MGST1: variants seen among roughly 807,000 people sequenced by gnomAD.
The protein encoded by MGST1 is microsomal glutathione S-transferase 1.
In MGST1, 5 loss-of-function variants were observed where a neutral mutation model predicts 8.9. The observed-to-expected ratio is 0.56, with a 90% CI of 0.29 to 1.19. MGST1 has a LOEUF of 1.19. Among genes scored for constraint, MGST1 ranks in the 50% most tolerant of loss-of-function variants. The pLI is 0.08. For synonymous variants in MGST1, 54 were observed against 67.8 expected (o/e 0.80, Z 1.00); for missense variants, 182 against 187.4 (o/e 0.97, Z 0.17).
intron 4 of MGST1, among the ~76,000 whole-genome samples, chr12:16,477,603 A>G (rs1358124104): frequency 6.6e-6 from 1 of 152,242 alleles, no homozygotes; most frequent in Non-Finnish European, 1.5e-5. Context: ...GAACAATGAT[A>G]TTTGTAGAAT....
intron 1 of MGST1, among the ~76,000 whole-genome samples, chr12:16,393,128 G>T (rs1940569006): frequency 6.6e-6 from 1 of 152,148 alleles, no homozygotes; most frequent in African/African-American, 2.4e-5. Context: ...AAATTGTTTA[G>T]AGACATATGA....
chr12:16,414,973 A>C (rs1940775265), intron 1 of MGST1, among the ~76,000 whole-genome samples: 1 of 152,038 alleles, frequency 6.6e-6, no homozygotes, highest in Non-Finnish European at 1.5e-5. Flanking sequence ...GCAGTGAGCC[A>C]AGATCGCACC....
At chr12:16,566,933 C>T (rs1591787412) in intron 4 of MGST1, among the ~76,000 whole-genome samples, 1 of 152,154 alleles carries the variant, frequency 6.6e-6, no homozygotes, top group African/African-American at 2.4e-5. Flanking sequence ...AAAGCCCATG[C>T]TACATAGTCA....
At chr12:16,399,885 G>A (rs1162841074) in intron 1 of MGST1, 2 of 1,255,374 alleles carry the variant, frequency 1.6e-6, no homozygotes, top group Admixed American at 1.7e-5. Context: ...AGGTGAAACT[G>A]GACCGCTCAA....
At chr12:16,466,963 G>A (rs901275176) in intron 4 of MGST1, among the ~76,000 whole-genome samples, 18 of 151,958 alleles carry the variant, frequency 1.2e-4, no homozygotes, top group Non-Finnish European at 2.2e-4. Flanking sequence ...GTCTGACCCC[G>A]AGACTTCATA....
rs141726185 is a variant in MGST1, at chr12:16,452,423, T to A, written n.482+68819T>A. On this transcript the variant is annotated intron_variant and non_coding_transcript_variant, in intron 4 of 4. Coordinates refer to the MGST1 transcript ENST00000538857. Reference sequence around the variant, plus strand: ...GCCAAAAAAAAAAAAATGGAAACTGTTTGGTTGTCATCATGATCACCCTAT... The same window carrying A: ...GCCAAAAAAAAAAAAATGGAAACTGATTGGTTGTCATCATGATCACCCTAT... Among the ~76,000 whole-genome samples the A allele has an allele frequency of 2.8e-4, 42 of 151,218 alleles. No individual in the cohort carries two copies. The Middle Eastern group carries it at 0.01, about 37-fold the overall frequency.
At chr12:16,542,419 C>G (rs970393605) in intron 4 of MGST1, among the ~76,000 whole-genome samples, 1 of 152,222 alleles carries the variant, frequency 6.6e-6, no homozygotes, top group African/African-American at 2.4e-5. Flanking sequence ...ACTGCACTTT[C>G]ACTTGAAATA....
chr12:16,366,628 TACACACACACACACACAC>T (rs374809283), downstream of MGST1, among the ~76,000 whole-genome samples: 3 of 83,926 alleles, frequency 3.6e-5, no homozygotes, highest in African/African-American at 1.4e-4. This position sits in a 1 kb window ranked among gnomAD's most constrained non-coding sequence, Gnocchi z 4.0. Flanking sequence ...TATCTGTGTG[TACACACACACACACACAC>T]ACACACACAC....
intron 1 of MGST1, among the ~76,000 whole-genome samples, chr12:16,402,593 T>G (rs552174917): frequency 2.8e-4 from 43 of 152,306 alleles, no homozygotes; most frequent in Non-Finnish European, 5.3e-4. Flanking sequence ...TTTTTTCTGT[T>G]TATTGTTGTG....
At chr12:16,435,945 A>G (rs1940981569) in intron 1 of MGST1, among the ~76,000 whole-genome samples, 1 of 151,634 alleles carries the variant, frequency 6.6e-6, no homozygotes, top group Admixed American at 6.6e-5. Context: ...GAAAATATAG[A>G]GTCTGTATGA....
chr12:16,357,471 G>A (rs1939771038), intron 2 of MGST1, 134 bp from the exon 3 acceptor site: 1 of 672,660 alleles, frequency 1.5e-6, no homozygotes, highest in Non-Finnish European at 2.5e-6. Context: ...TACTCCCTAT[G>A]TTGCCCAGGC....
Position 16,401,350 on chromosome 12 carries a change from T to G in MGST1, n.778+17746T>G. On this transcript the variant is annotated intron_variant and non_coding_transcript_variant, in intron 1 of 1. Transcript: ENST00000359720. This position sits in a 1 kb window ranked among gnomAD's most constrained non-coding sequence, Gnocchi z 4.3. ...TTTACTATTGATTACTAGGAAGCTT[T>G]CATGGAATTCAATTCCCACCCCAAA... 1 of 1,289,268 alleles carries G rather than the reference T, an allele frequency of 7.8e-7. No individual in the cohort carries two copies. Among genetic ancestry groups the G allele is most frequent in the Non-Finnish European group, 1.1e-6 (1 of 888,828 alleles). The allele number at this position is 1,289,268 out of a possible 1,614,324, so 79.9% of individuals were successfully genotyped here.
intron 4 of MGST1, chr12:16,514,251 C>T: frequency 7.1e-6 from 2 of 280,410 alleles, no homozygotes; most frequent in Non-Finnish European, 1.4e-5. Flanking sequence ...TGGCAGGCTT[C>T]ACCATGGTTT....
In MGST1 at chr12:16,503,331, A is replaced by G. The variant is rs572089307; in HGVS notation, n.483-86197A>G. The stretch of plus-strand genomic sequence containing the variant: ...TTTCCCTCATTCTTAGCTTGGCTTC[A>G]CTCATAAATGTTATTTTTTCCTTTC... On this transcript the variant is annotated intron_variant and non_coding_transcript_variant, in intron 4 of 4. Transcript: ENST00000538857. This position sits in a 1 kb window ranked among gnomAD's most constrained non-coding sequence, Gnocchi z 4.8. Among the ~76,000 whole-genome samples the G allele has an allele frequency of 1.3e-5, 2 of 152,150 alleles. No homozygotes were observed. Among genetic ancestry groups the G allele is most frequent in the East Asian group, 3.9e-4 (2 of 5,168 alleles).
chr12:16,545,298 G>A (rs867451231), intron 4 of MGST1, among the ~76,000 whole-genome samples: 3 of 151,928 alleles, frequency 2.0e-5, no homozygotes, highest in Admixed American at 6.6e-5. Context: ...TAATAAATTG[G>A]GCATTAAACA....
rs897806265 is a variant in MGST1, at chr12:16,537,476, T to C, written n.483-52052T>C. 1.4e-4 allele frequency among the ~76,000 whole-genome samples: 21 copies of C among 152,190 alleles called. No individual in the cohort carries two copies. The highest frequency in any genetic ancestry group is 4.3e-4 in the African/African-American group (18 of 41,452). On this transcript the variant is annotated intron_variant and non_coding_transcript_variant, in intron 4 of 4. Transcript: ENST00000538857. This position sits in a 1 kb window ranked among gnomAD's most constrained non-coding sequence, Gnocchi z 4.6. ...ACAGCTCCACTAGGAGGTGCCCCAGTATGGACTCTGTGTGGGGGCACCAAC... is the reference window on the plus strand; with the variant it reads ...ACAGCTCCACTAGGAGGTGCCCCAGCATGGACTCTGTGTGGGGGCACCAAC...
intron 3 of MGST1, among the ~76,000 whole-genome samples, chr12:16,359,438 T>A (rs1207401662): frequency 6.6e-6 from 1 of 152,218 alleles, no homozygotes; most frequent in Non-Finnish European, 1.5e-5. Flanking sequence ...ACCTTCTATC[T>A]CACTTAGTTA....
chr12:16,355,365 G>T (rs906725256), intron 2 of MGST1, among the ~76,000 whole-genome samples: 4 of 151,934 alleles, frequency 2.6e-5, no homozygotes, highest in African/African-American at 9.7e-5. Context: ...CGCACCACCA[G>T]GCCCAGTTGA....
chr12:16,399,277 A>G lies in MGST1; in HGVS notation n.778+15673A>G. On this transcript the variant is annotated intron_variant and non_coding_transcript_variant, in intron 1 of 1. Coordinates refer to the MGST1 transcript ENST00000359720. ...AGCTCAGGGCCAAAGTTCAGAAGTTACTTCCTCTTTTTCTTGGGGGGTGCA... is the reference window on the plus strand; with the variant it reads ...AGCTCAGGGCCAAAGTTCAGAAGTTGCTTCCTCTTTTTCTTGGGGGGTGCA... 1.9e-6 allele frequency: 3 copies of G among 1,604,626 alleles called. No homozygotes were observed. In the South Asian group the frequency reaches 3.3e-5, roughly 18 times the overall value.
Sources: allele counts gnomAD v4.1 joint callset (sites outside exome capture counted in the v4.1 genomes callset), GRCh38; gene constraint gnomAD v4.1.1; non-coding constraint Gnocchi (gnomAD v3.1); transcripts MANE v1.5; gene names NCBI Gene and HGNC (gene_info 2026-07-23, HGNC 2026-07-21).